Variants in PCDHGA7 observed in about 807,000 individuals in gnomAD.
The protein encoded by PCDHGA7 is protocadherin gamma subfamily A, 7.
Under a neutral mutation model 58.3 loss-of-function variants are expected in PCDHGA7, and 44 were observed. The observed-to-expected ratio is 0.75, with a 90% confidence interval of 0.59 to 0.97. The LOEUF (loss-of-function observed/expected upper bound fraction) is 0.97, where lower values mean the gene tolerates loss of function less well. PCDHGA7 is among the 50% of genes least tolerant of loss of function. The probability of loss-of-function intolerance (pLI) is 0.00; values close to 1 mark genes in which losing one functional copy is unlikely to be tolerated. For synonymous variants in PCDHGA7, 516 were observed against 504.2 expected (o/e 1.02, Z -0.31); for missense variants, 1,266 against 1,188.7 (o/e 1.06, Z -0.96).
chr5:141,444,146 T>C (rs2098418879), intron 1 of PCDHGA7, among the ~76,000 whole-genome samples: 2 of 145,824 alleles, frequency 1.4e-5, no homozygotes, highest in South Asian at 4.3e-4. Flanking sequence ...CACTTGTGTG[T>C]ACTGGATTTT....
At position 141,489,474 on chromosome 5, in the gene PCDHGA7, C is replaced by T. The variant is rs772297075; in HGVS notation, c.2425-5333C>T. On this transcript the variant is annotated intron_variant, in intron 1 of 3. Transcript: ENST00000518325. The surrounding 1 kb of genome is among the most constrained non-coding windows in gnomAD (Gnocchi z 4.5). ...AGAATGGGCGCTATTTTTCCCTGAG[C>T]TTGATGAGTGGTGCCCTGGCAGTGA... 6.2e-7 allele frequency: 1 copy of T among 1,614,108 alleles called. No individual in the cohort carries two copies. The highest frequency in any genetic ancestry group is 8.5e-7 in the Non-Finnish European group (1 of 1,180,034).
At position 141,455,354 on chromosome 5, in the gene PCDHGA7, T is replaced by C. The variant is rs185319743; in HGVS notation, c.2425-39453T>C. ...TGGTTTTAAGGAGCGGAGAGTTTAA[T>C]AGGCAAGAAGGAAGGGAGAAGACAG... On this transcript the variant is annotated intron_variant, in intron 1 of 3. Coordinates refer to ENST00000518325, the MANE Select transcript of PCDHGA7 (RefSeq NM_018920.4). Among the ~76,000 whole-genome samples the C allele has an allele frequency of 1.7e-3, 263 of 152,180 alleles. 2 individuals are homozygous for C. The highest frequency in any genetic ancestry group is 3.0e-3 in the Non-Finnish European group (207 of 68,010).
intron 1 of PCDHGA7, chr5:141,430,625 G>T: frequency 1.3e-6 from 1 of 788,104 alleles, no homozygotes; most frequent in Non-Finnish European, 1.9e-6. Context: ...AGCTAGGAAT[G>T]AACCATCCCT....
In PCDHGA7 at chr5:141,476,288, C is replaced by A. The variant is rs1446743849; in HGVS notation, c.2425-18519C>A. 3.1e-6 allele frequency: 5 copies of A among 1,613,980 alleles called. No homozygotes were observed. The highest frequency in any genetic ancestry group is 3.4e-6 in the Non-Finnish European group (4 of 1,180,026). ...CGTGGTCGCGAACCTTGGTTTGGAT[C>A]TCGGTAGCCTCTCAGCCCGCAGGTT... On this transcript the variant is annotated intron_variant, in intron 1 of 3. Coordinates refer to ENST00000518325, the MANE Select transcript of PCDHGA7 (RefSeq NM_018920.4). This position sits in a 1 kb window ranked among gnomAD's most constrained non-coding sequence, Gnocchi z 7.6.
intron 1 of PCDHGA7, chr5:141,395,894 C>G (rs768471284): frequency 1.3e-5 from 2 of 152,020 alleles, no homozygotes; most frequent in Non-Finnish European, 2.9e-5. Flanking sequence ...CACCTGGGCT[C>G]CATGCCCATG....
chr5:141,477,571 C>T lies in PCDHGA7; in HGVS notation c.2425-17236C>T, dbSNP rs1470454976. The T allele has an allele frequency of 8.1e-6, 13 of 1,614,160 alleles. No individual in the cohort carries two copies. Among genetic ancestry groups the T allele is most frequent in the Middle Eastern group, 1.7e-4 (1 of 6,060 alleles). ...TAAACCTAAGTGTCTGGGACCCCGACGCCCCGCAGAATGCTCGGCTTTCTT... is the reference window on the plus strand; with the variant it reads ...TAAACCTAAGTGTCTGGGACCCCGATGCCCCGCAGAATGCTCGGCTTTCTT... On this transcript the variant is annotated intron_variant, in intron 1 of 3. Transcript: ENST00000518325. This position sits in a 1 kb window ranked among gnomAD's most constrained non-coding sequence, Gnocchi z 4.9.
chr5:141,384,134 G>T lies in PCDHGA7; in HGVS notation c.1235G>T (p.Arg412Leu). The T allele has an allele frequency of 1.2e-6, 2 of 1,611,964 alleles. No individual in the cohort carries two copies. Among genetic ancestry groups the T allele is most frequent in the South Asian group, 2.2e-5 (2 of 90,798 alleles). ...YRLVTTKNLD[R>L]ETLSLYNITL... ...TTGGTCACAACCAAAAACTTGGACCGGGAAACACTCTCTTTGTATAACATC... is the reference window on the plus strand; with the variant it reads ...TTGGTCACAACCAAAAACTTGGACCTGGAAACACTCTCTTTGTATAACATC... Residue 412 changes from arginine to leucine, a missense_variant, in exon 1 of 4, where the codon CGG (arginine) becomes CTG (leucine). Transcript: ENST00000518325.
At chr5:141,504,991 G>A (rs896449285) in intron 2 of PCDHGA7, among the ~76,000 whole-genome samples, 44 of 152,034 alleles carry the variant, frequency 2.9e-4, no homozygotes, top group Admixed American at 2.6e-3. Context: ...GTGAAACCCC[G>A]TCTGTACTAA....
At chr5:141,389,114 C>T in intron 1 of PCDHGA7, 2 of 1,614,004 alleles carry the variant, frequency 1.2e-6, no homozygotes, top group Non-Finnish European at 1.7e-6. Context: ...TTCTAGACCG[C>T]GAGCAGAATC....
chr5:141,404,875 C>T, intron 1 of PCDHGA7: 1 of 1,613,904 alleles, frequency 6.2e-7, no homozygotes, highest in Non-Finnish European at 8.5e-7. Flanking sequence ...TCAAACAGAG[C>T]CTTGTGGTGG....
Position 141,511,089 on chromosome 5 carries a change from C to T in PCDHGA7, c.2715C>T (p.Thr905=). The change falls in exon 4 of 4, where the codon ACC becomes ACT. Residue 905 remains threonine (T), a synonymous_variant. Transcript: ENST00000518325. ...TCCCAGGCAGCAATGCCACACTGAC[C>T]AACGCAGCTGGCAAGCGGGATGGCA... is the stretch of plus-strand genomic sequence containing the variant. ...VYIPGSNATL[T]NAAGKRDGKA... 1 of 1,614,212 alleles carries T rather than the reference C, an allele frequency of 6.2e-7. No individual in the cohort carries two copies. Among genetic ancestry groups the T allele is most frequent in the Non-Finnish European group, 8.5e-7 (1 of 1,180,026 alleles).
At chr5:141,386,719 C>A (rs1487131983) in intron 1 of PCDHGA7, among the ~76,000 whole-genome samples, 1 of 152,104 alleles carries the variant, frequency 6.6e-6, no homozygotes, top group African/African-American at 2.4e-5. Flanking sequence ...CTGACACCAA[C>A]AATGTTACTG....
At chr5:141,388,893 G>A in intron 1 of PCDHGA7, 1 of 1,613,982 alleles carries the variant, frequency 6.2e-7, no homozygotes. Context: ...AGAAGTCATA[G>A]ATGAAAATGA....
In PCDHGA7 at chr5:141,388,603, C is replaced by T. The variant is rs558931275; in HGVS notation, c.2424+3280C>T. The T allele has an allele frequency of 6.9e-5, 111 of 1,613,860 alleles. 1 individual carries two copies. The South Asian group carries it at 1.2e-3, about 18-fold the overall frequency. ...GTGACTGATGCCAATGATAATGCTCCAGTGTTCAGTCAAGACGTATACAGG... is the reference window on the plus strand; with the variant it reads ...GTGACTGATGCCAATGATAATGCTCTAGTGTTCAGTCAAGACGTATACAGG... On this transcript the variant is annotated intron_variant, in intron 1 of 3. Transcript: ENST00000518325.
chr5:141,394,451 G>A (rs774912185), intron 1 of PCDHGA7: 1 of 1,614,118 alleles, frequency 6.2e-7, no homozygotes, highest in Non-Finnish European at 8.5e-7. Flanking sequence ...GCAGCAACAT[G>A]TCACTGAGCC....
At chr5:141,427,826 G>A (rs550161736) in intron 1 of PCDHGA7, 2 of 1,536,500 alleles carry the variant, frequency 1.3e-6, no homozygotes, top group Admixed American at 3.3e-5. Flanking sequence ...TGGTGGTCGC[G>A]CAGCGTGCCT....
rs1326004540 is a variant in PCDHGA7 at position 141,477,117 on chromosome 5, C to T, written c.2425-17690C>T. Reference sequence around the variant, plus strand: ...GACAAGGGCGCCAATCCCGAAGGAGCACATTGCAAAGTGTTGGTGGAGGTT... The same window carrying T: ...GACAAGGGCGCCAATCCCGAAGGAGTACATTGCAAAGTGTTGGTGGAGGTT... On this transcript the variant is annotated intron_variant, in intron 1 of 3. Coordinates refer to ENST00000518325, the MANE Select transcript of PCDHGA7 (RefSeq NM_018920.4). The surrounding 1 kb of genome is among the most constrained non-coding windows in gnomAD (Gnocchi z 4.9). 1.2e-6 allele frequency: 2 copies of T among 1,614,246 alleles called. No homozygotes were observed. Among genetic ancestry groups the T allele is most frequent in the East Asian group, 4.5e-5 (2 of 44,886 alleles).
At chr5:141,459,845 T>C (rs914128032) in intron 1 of PCDHGA7, among the ~76,000 whole-genome samples, 1 of 152,232 alleles carries the variant, frequency 6.6e-6, no homozygotes, top group Admixed American at 6.5e-5. Flanking sequence ...TCTATTTGTA[T>C]ATCTTCTTGA....
In PCDHGA7 at chr5:141,487,636, AC is replaced by A. The variant is rs1562120737; in HGVS notation, c.2425-7170del. On this transcript the variant is annotated intron_variant, in intron 1 of 3. Coordinates refer to ENST00000518325, the MANE Select transcript of PCDHGA7 (RefSeq NM_018920.4). The surrounding 1 kb of genome is among the most constrained non-coding windows in gnomAD (Gnocchi z 5.0). ...TAGAGGTGAGACCTTTGCAGGCTCA[AC>A]AAATGCTTGAGGGTTATTCTGATCC... 1 of 1,614,192 alleles carries A rather than the reference AC, an allele frequency of 6.2e-7. No individual in the cohort carries two copies. The highest frequency in any genetic ancestry group is 2.2e-5 in the East Asian group (1 of 44,886).
Sources: allele counts gnomAD v4.1 joint callset (sites outside exome capture counted in the v4.1 genomes callset), GRCh38; gene constraint gnomAD v4.1.1; non-coding constraint Gnocchi (gnomAD v3.1); transcripts MANE v1.5; gene names NCBI Gene and HGNC (gene_info 2026-07-23, HGNC 2026-07-21).